Variants in EXOC4 observed in about 807,000 individuals in gnomAD.
EXOC4 encodes the protein exocyst complex component 4.
Under a neutral mutation model 107.2 loss-of-function variants are expected in EXOC4, and 71 were observed. The ratio of observed to expected loss-of-function variants is 0.66; its 90% CI spans 0.55 to 0.81. The LOEUF (loss-of-function observed/expected upper bound fraction) is 0.81, where lower values mean the gene tolerates loss of function less well. Among genes scored for constraint, EXOC4 ranks in the 30% least tolerant of loss-of-function variants. The probability of loss-of-function intolerance (pLI) is 0.00; values close to 1 mark genes in which losing one functional copy is unlikely to be tolerated. For synonymous variants in EXOC4, 456 were observed against 441.2 expected, an observed-to-expected ratio of 1.03 and a Z score of -0.42; for missense variants, 1,108 against 1,189.6, an observed-to-expected ratio of 0.93 and a Z score of 1.01.
In EXOC4 at chr7:133,679,279, C is replaced by CT. The variant is rs1183049569; in HGVS notation, c.1514+49145dup. Among the ~76,000 whole-genome samples the CT allele has an allele frequency of 2.6e-5, 4 of 152,104 alleles. No individual in the cohort carries two copies. In the South Asian group the frequency reaches 8.3e-4, roughly 31 times the overall value. On this transcript the variant is annotated intron_variant, in intron 10 of 17. Coordinates refer to ENST00000253861, the MANE Select transcript of EXOC4 (RefSeq NM_021807.4). ...TTACATTTTCAGAATTTTATAGGGCCTTTTTTTCCCTTTCGCTACCTTTGT... is the reference window on the plus strand; with the variant it reads ...TTACATTTTCAGAATTTTATAGGGCCTTTTTTTTCCCTTTCGCTACCTTTGT...
intron 3 of EXOC4, among the ~76,000 whole-genome samples, chr7:133,293,105 C>T (rs1160584054): frequency 6.6e-6 from 1 of 152,168 alleles, no homozygotes; most frequent in Non-Finnish European, 1.5e-5. Context: ...CTTTCAACAA[C>T]TCCACTTCTG....
intron 17 of EXOC4, among the ~76,000 whole-genome samples, chr7:134,016,907 T>C (rs1794922202): frequency 6.6e-6 from 1 of 151,020 alleles, no homozygotes; most frequent in South Asian, 2.1e-4. Context: ...TGAGAATGTC[T>C]GTGGTCTCCT....
chr7:133,818,499 G>A (rs1249299348), intron 11 of EXOC4, among the ~76,000 whole-genome samples: 1 of 152,152 alleles, frequency 6.6e-6, no homozygotes, highest in Non-Finnish European at 1.5e-5. Flanking sequence ...CTTTCTTAGA[G>A]AAGCGTCCTA....
chr7:133,961,432 G>A (rs1288684122), intron 14 of EXOC4, among the ~76,000 whole-genome samples: 3 of 146,486 alleles, frequency 2.0e-5, no homozygotes, highest in African/African-American at 7.6e-5. Context: ...GACTACAGGC[G>A]CACGCCACTG....
intron 12 of EXOC4, among the ~76,000 whole-genome samples, chr7:133,898,239 CAACTT>C (rs1459295349): frequency 6.6e-6 from 1 of 151,124 alleles, no homozygotes; most frequent in Non-Finnish European, 1.5e-5. Context: ...AATTAAATGT[CAACTT>C]AAAAAGGGAA....
At chr7:133,314,806 T>C (rs192576146) in intron 4 of EXOC4, among the ~76,000 whole-genome samples, 77 of 152,344 alleles carry the variant, frequency 5.1e-4, no homozygotes, top group African/African-American at 1.7e-3. Flanking sequence ...ACTTTAAAAG[T>C]AATTCCTCCA....
chr7:133,723,478 T>TC (rs1157185659), intron 10 of EXOC4, among the ~76,000 whole-genome samples: 2 of 79,156 alleles, frequency 2.5e-5, no homozygotes, highest in African/African-American at 4.9e-5. Flanking sequence ...ACATCTTTTT[T>TC]TTTCTTTCTT....
intron 10 of EXOC4, among the ~76,000 whole-genome samples, chr7:133,693,214 A>C (rs1365806550): frequency 6.6e-6 from 1 of 152,232 alleles, no homozygotes; most frequent in African/African-American, 2.4e-5. Flanking sequence ...GTCTGTGGCC[A>C]AAGGTCCGAT....
At chr7:133,261,545 A>G (rs1219385232) in intron 1 of EXOC4, among the ~76,000 whole-genome samples, 1 of 152,062 alleles carries the variant, frequency 6.6e-6, no homozygotes, top group Non-Finnish European at 1.5e-5. Flanking sequence ...GGCACCTTGT[A>G]GTTTTTGAGT....
intron 9 of EXOC4, among the ~76,000 whole-genome samples, chr7:133,568,162 T>G (rs1200570429): frequency 6.6e-6 from 1 of 152,188 alleles, no homozygotes; most frequent in African/African-American, 2.4e-5. Context: ...TTTTTATATT[T>G]CCTTTTCTGC....
chr7:133,556,946 C>CAGTG (rs898271820), intron 9 of EXOC4, among the ~76,000 whole-genome samples: 11 of 152,132 alleles, frequency 7.2e-5, no homozygotes, highest in African/African-American at 2.4e-4. Flanking sequence ...CCCTCTGTTT[C>CAGTG]AGTGAGTGAG....
intron 17 of EXOC4, among the ~76,000 whole-genome samples, chr7:134,018,916 G>A (rs1267647625): frequency 6.6e-6 from 1 of 151,858 alleles, no homozygotes; most frequent in Non-Finnish European, 1.5e-5. Context: ...TTCGATGTAT[G>A]TTTGTTTTTG....
At chr7:133,597,319 C>A (rs149370906) in intron 9 of EXOC4, among the ~76,000 whole-genome samples, 1 of 151,714 alleles carries the variant, frequency 6.6e-6, no homozygotes, top group African/African-American at 2.4e-5. Flanking sequence ...TTTGGGAGGC[C>A]GAGGCGGGTG....
At position 133,728,129 on chromosome 7, in the gene EXOC4, C is replaced by T. The variant is rs994117062; in HGVS notation, c.1515-89196C>T. Among the ~76,000 whole-genome samples the T allele has an allele frequency of 3.7e-4, 57 of 152,204 alleles. 1 individual carries two copies. The highest frequency in any genetic ancestry group is 1.6e-3 in the Admixed American group (24 of 15,288). On this transcript the variant is annotated intron_variant, in intron 10 of 17. Transcript: ENST00000253861. ...TCACTGAGTGAAAACCAGCAACAGCCGAAGTCAATATTTATAACTTTATCA... is the reference window on the plus strand; with the variant it reads ...TCACTGAGTGAAAACCAGCAACAGCTGAAGTCAATATTTATAACTTTATCA...
intron 10 of EXOC4, among the ~76,000 whole-genome samples, chr7:133,679,227 A>AT: frequency 6.6e-6 from 1 of 152,318 alleles, no homozygotes; most frequent in Admixed American, 6.5e-5. Context: ...CTGAAAGTGA[A>AT]TGTGCCATTT....
At chr7:133,351,539 C>T (rs1317477110) in intron 5 of EXOC4, among the ~76,000 whole-genome samples, 1 of 151,922 alleles carries the variant, frequency 6.6e-6, no homozygotes, top group Admixed American at 6.6e-5. Context: ...AATGTAACTT[C>T]CATTTATGAA....
intron 9 of EXOC4, chr7:133,576,680 G>A: frequency 7.8e-7 from 1 of 1,289,738 alleles, no homozygotes; most frequent in Non-Finnish European, 1.0e-6. Flanking sequence ...AGTGAGCAAT[G>A]GGAGCCGTGA....
At chr7:133,453,868 A>T (rs951198262) in intron 7 of EXOC4, among the ~76,000 whole-genome samples, 92 of 152,276 alleles carry the variant, frequency 6.0e-4, no homozygotes, top group African/African-American at 2.0e-3. Context: ...TGACAGCTAG[A>T]TGATTTTCTT....
chr7:133,451,597 C>T (rs1038326792), intron 7 of EXOC4, among the ~76,000 whole-genome samples: 1 of 151,556 alleles, frequency 6.6e-6, no homozygotes, highest in Non-Finnish European at 1.5e-5. Context: ...ACTTTCTCTT[C>T]TATTTGTATA....
Sources: gnomAD v4.1 joint callset for allele counts (sites outside exome capture counted in the v4.1 genomes callset) on GRCh38, gnomAD v4.1.1 for gene constraint, MANE v1.5 for transcripts, NCBI Gene and HGNC (gene_info 2026-07-23, HGNC 2026-07-21) for gene names.